Variants in ERG observed in about 807,000 individuals in gnomAD.
The protein encoded by ERG is ETS transcription factor ERG, also known as transcriptional regulator ERG.
Under a neutral mutation model 55.3 loss-of-function variants are expected in ERG, and 9 were observed. That is an observed-to-expected ratio of 0.16 (90% CI 0.10 to 0.28). ERG has a LOEUF of 0.28. Ranked by LOEUF, ERG falls within the 10% of genes least tolerant of loss-of-function variation. The probability of loss-of-function intolerance (pLI) is 1.00; values close to 1 mark genes in which losing one functional copy is unlikely to be tolerated. For missense variants in ERG, 434 were observed against 631.6 expected (o/e 0.69, Z 3.35); for synonymous variants, 223 against 237.3 (o/e 0.94, Z 0.55).
At chr21:38,461,628 C>T (rs999732661) in intron 1 of ERG, among the ~76,000 whole-genome samples, 1 of 152,198 alleles carries the variant, frequency 6.6e-6, no homozygotes, top group Admixed American at 6.5e-5. Flanking sequence ...GGTCCCCAGA[C>T]CCCTCTAAGG....
At chr21:38,521,270 C>T (rs781525172) in intron 2 of ERG, among the ~76,000 whole-genome samples, 8 of 152,120 alleles carry the variant, frequency 5.3e-5, no homozygotes, top group Non-Finnish European at 1.0e-4. Flanking sequence ...CGGAGCCAAG[C>T]CCTGGTCCAG....
At chr21:38,651,008 G>C (rs1037397015) in intron 1 of ERG, among the ~76,000 whole-genome samples, 1 of 152,158 alleles carries the variant, frequency 6.6e-6, no homozygotes, top group African/African-American at 2.4e-5. Context: ...CATCAAGCTG[G>C]AATTATCTTT....
upstream of ERG, among the ~76,000 whole-genome samples, chr21:38,502,026 G>T (rs904104384): frequency 1.3e-5 from 2 of 152,180 alleles, no homozygotes; most frequent in African/African-American, 4.8e-5. Flanking sequence ...TGGGGAGGAA[G>T]GTTAGGAGCT....
chr21:38,600,909 G>C (rs539347558), intron 1 of ERG, among the ~76,000 whole-genome samples: 3 of 152,200 alleles, frequency 2.0e-5, no homozygotes, highest in Admixed American at 1.3e-4. Context: ...GCAAGCCTGG[G>C]ATTGCAACCT....
At chr21:38,540,486 CT>C (rs1040061497) in intron 2 of ERG, among the ~76,000 whole-genome samples, 6 of 152,146 alleles carry the variant, frequency 3.9e-5, no homozygotes, top group African/African-American at 1.4e-4. Flanking sequence ...CTGCAAACCC[CT>C]GGCAAGTGAA....
intron 2 of ERG, among the ~76,000 whole-genome samples, chr21:38,507,098 G>T (rs2059467716): frequency 6.6e-6 from 1 of 152,120 alleles, no homozygotes; most frequent in Admixed American, 6.6e-5. Context: ...TCGACAAAAA[G>T]CGCCCCTGGG....
At chr21:38,652,598 C>T (rs772762233) in intron 1 of ERG, among the ~76,000 whole-genome samples, 39 of 152,268 alleles carry the variant, frequency 2.6e-4, no homozygotes, top group African/African-American at 5.8e-4. Context: ...GTCATTCACA[C>T]GTCTCCAAAT....
chr21:38,424,398 C>T (rs994300575), intron 2 of ERG, among the ~76,000 whole-genome samples: 1 of 152,162 alleles, frequency 6.6e-6, no homozygotes, highest in African/African-American at 2.4e-5. Flanking sequence ...GTGAAGGCAG[C>T]CTGCACAGGC....
At chr21:38,437,868 A>G (rs1023114627) in intron 2 of ERG, among the ~76,000 whole-genome samples, 1 of 152,170 alleles carries the variant, frequency 6.6e-6, no homozygotes, top group Non-Finnish European at 1.5e-5. Flanking sequence ...TCTCAGGAAG[A>G]CTTCAACACA....
At chr21:38,568,905 G>A (rs1181215993) in intron 2 of ERG, among the ~76,000 whole-genome samples, 1 of 152,206 alleles carries the variant, frequency 6.6e-6, no homozygotes, top group Non-Finnish European at 1.5e-5. Context: ...GTGATCCCAG[G>A]AAGATCCTCT....
chr21:38,399,299 C>T (rs903361976), intron 6 of ERG, among the ~76,000 whole-genome samples: 3 of 152,178 alleles, frequency 2.0e-5, no homozygotes, highest in Non-Finnish European at 4.4e-5. Flanking sequence ...TAGGCAGTAA[C>T]CAGGGCAGTG....
chr21:38,527,050 C>T (rs1173013340), intron 2 of ERG, among the ~76,000 whole-genome samples: 1 of 152,162 alleles, frequency 6.6e-6, no homozygotes, highest in East Asian at 1.9e-4. Context: ...ATCCTCAGAT[C>T]TGAGAGTAAT....
intron 2 of ERG, among the ~76,000 whole-genome samples, chr21:38,525,410 T>G (rs1484693714): frequency 6.6e-6 from 1 of 152,178 alleles, no homozygotes; most frequent in African/African-American, 2.4e-5. Flanking sequence ...TTTAACCCTC[T>G]TCTGGATTCG....
intron 6 of ERG, among the ~76,000 whole-genome samples, chr21:38,399,168 G>A (rs367965412): frequency 1.1e-3 from 162 of 152,198 alleles, no homozygotes; most frequent in Non-Finnish European, 1.9e-3. Flanking sequence ...ACATGACAGA[G>A]ATGACTTACT....
intron 1 of ERG, among the ~76,000 whole-genome samples, chr21:38,475,208 C>G: frequency 6.6e-6 from 1 of 152,120 alleles, no homozygotes; most frequent in East Asian, 1.9e-4. Context: ...ATAAAGCCAG[C>G]CCCACCATAA....
intron 6 of ERG, among the ~76,000 whole-genome samples, chr21:38,393,045 C>T (rs572249737): frequency 1.9e-4 from 29 of 152,260 alleles, no homozygotes; most frequent in African/African-American, 6.5e-4. Flanking sequence ...AGGCAAATGT[C>T]TCCCATTTCT....
In ERG at chr21:38,391,035, A is replaced by G. The variant is rs1453468705; in HGVS notation, c.879T>C (p.Tyr293=). 1 of 1,613,426 alleles carries G rather than the reference A, an allele frequency of 6.2e-7. No homozygotes were observed. The highest frequency in any genetic ancestry group is 8.5e-7 in the Non-Finnish European group (1 of 1,179,392). The change falls in exon 9 of 10, where the codon TAT becomes TAC. Residue 293 remains tyrosine (Y), a synonymous_variant. Transcript: ENST00000288319. ...GGCTACTTGTTGGTCCAAGAATCTGATAAGGATCTACAGCAAAAAGAAACA... is the reference window on the plus strand; with the variant it reads ...GGCTACTTGTTGGTCCAAGAATCTGGTAAGGATCTACAGCAAAAAGAAACA... The part of the protein sequence containing the change: ...TEDQRPQLDP[Y]QILGPTSSRL...
At chr21:38,612,295 CT>C (rs796554846) in intron 1 of ERG, among the ~76,000 whole-genome samples, 2 of 152,288 alleles carry the variant, frequency 1.3e-5, no homozygotes, top group East Asian at 1.9e-4. Flanking sequence ...TACCTTTCTT[CT>C]TTTTTTCCCC....
chr21:38,544,012 C>T (rs561669263), intron 2 of ERG, among the ~76,000 whole-genome samples: 1 of 152,270 alleles, frequency 6.6e-6, no homozygotes, highest in Admixed American at 6.5e-5. Flanking sequence ...AGTGCTGGGA[C>T]TACAGCAATG....
Sources: gnomAD v4.1 joint callset for allele counts (sites outside exome capture counted in the v4.1 genomes callset) on GRCh38, gnomAD v4.1.1 for gene constraint, MANE v1.5 for transcripts, NCBI Gene and HGNC (gene_info 2026-07-23, HGNC 2026-07-21) for gene names.